SLC35B1: variants seen among roughly 807,000 people sequenced by gnomAD.
SLC35B1 encodes solute carrier family 35 member B1.
A neutral mutation model predicts 36.6 loss-of-function variants in SLC35B1; 27 were observed. That is an observed-to-expected ratio of 0.74 (90% confidence interval 0.54 to 1.02). SLC35B1 has a LOEUF of 1.02. Ranked by LOEUF, SLC35B1 falls within the 50% of genes least tolerant of loss-of-function variation. The pLI is 0.00. For missense variants in SLC35B1, 321 were observed against 383.2 expected, an observed-to-expected ratio of 0.84 and a Z score of 1.35; for synonymous variants, 162 against 152.5, an observed-to-expected ratio of 1.06 and a Z score of -0.46.
In SLC35B1 at chr17:49,707,929, G is replaced by A. The variant is rs765750109; in HGVS notation, c.-96C>T. The A allele has an allele frequency of 2.4e-5, 38 of 1,564,922 alleles. No individual in the cohort carries two copies. The highest frequency in any genetic ancestry group is 1.6e-4 in the East Asian group (7 of 42,598). The stretch of plus-strand genomic sequence containing the variant: ...AGCTCCAGCCGGACATCGCCGACCG[G>A]CGGCAGGGGCCTCATAGGAGCTGCA... On this transcript the variant is annotated 5_prime_UTR_variant, in exon 1 of 9. Coordinates refer to ENST00000240333, the MANE Select transcript of SLC35B1 (RefSeq NM_005827.4).
rs183248059 is a variant in SLC35B1, at chr17:49,701,179, C to T, written c.*279G>A. 164 of 370,216 alleles carry T rather than the reference C, an allele frequency of 4.4e-4. No homozygotes were observed. The highest frequency in any genetic ancestry group is 2.8e-3 in the African/African-American group (136 of 48,996). The allele number at this position is 370,216 out of a possible 1,614,324, so 22.9% of individuals were successfully genotyped here. ...CCCACTCAACCATGCTAACCACACC[C>T]GTGAGAGGAGCAGCCTGGGTAATGA... is the stretch of plus-strand genomic sequence containing the variant. On this transcript the variant is annotated 3_prime_UTR_variant, in exon 9 of 9. Transcript: ENST00000240333.
intron 8 of SLC35B1, chr17:49,701,968 C>T (rs897851803): frequency 8.4e-6 from 3 of 355,514 alleles, no homozygotes; most frequent in African/African-American, 6.5e-5. Flanking sequence ...TGGTACATGC[C>T]TATAATCGCA....
In SLC35B1 at chr17:49,701,997, G is replaced by A. The variant is rs567498894; in HGVS notation, c.917-487C>T. The A allele has an allele frequency of 1.1e-3, 338 of 305,058 alleles. 5 individuals are homozygous for A. The highest frequency in any genetic ancestry group is 2.0e-3 in the Non-Finnish European group (304 of 149,524). The allele number at this position is 305,058 out of a possible 1,614,324, so 18.9% of individuals were successfully genotyped here. On this transcript the variant is annotated intron_variant, in intron 8 of 8. Coordinates refer to ENST00000240333, the MANE Select transcript of SLC35B1 (RefSeq NM_005827.4). ...AATCGCAACTACTCGGGAGGCTGTG[G>A]TGGGTGGATCACTTGAGTCCAGGAG...
rs749864581 is a variant in SLC35B1, at chr17:49,707,760, T to G, written c.74A>C (p.Tyr25Ser). The change falls in exon 1 of 9, where the codon TAT (tyrosine) becomes TCT (serine). Residue 25 changes from tyrosine (Y) to serine (S), a missense_variant. Coordinates refer to ENST00000240333, the MANE Select transcript of SLC35B1 (RefSeq NM_005827.4). ...PLCFLGVFVC[Y>S]FYYGILQEKI... is the part of the protein sequence containing the mutation. ...TTCCTGCAGGATCCCATAGTAAAAATAGCAGACAAAGACACCCAGGAAGCA... is the reference window on the plus strand; with the variant it reads ...TTCCTGCAGGATCCCATAGTAAAAAGAGCAGACAAAGACACCCAGGAAGCA... The G allele has an allele frequency of 1.2e-6, 2 of 1,611,832 alleles. No homozygotes were observed. Among genetic ancestry groups the G allele is most frequent in the Admixed American group, 3.3e-5 (2 of 60,002 alleles).
rs545741629 is a variant in SLC35B1 at position 49,707,874 on chromosome 17, G to A, written c.-41C>T. On this transcript the variant is annotated 5_prime_UTR_variant, in exon 1 of 9. Coordinates refer to ENST00000240333, the MANE Select transcript of SLC35B1 (RefSeq NM_005827.4). ...GCCGACTGGAGACCCGCTCACAACC[G>A]GCACCGGCAGCAGCGGCGGCGGAGG... The A allele has an allele frequency of 1.3e-5, 21 of 1,608,134 alleles. No homozygotes were observed. The highest frequency in any genetic ancestry group is 1.4e-5 in the Non-Finnish European group (16 of 1,178,072).
chr17:49,702,754 A>G, intron 8 of SLC35B1, 104 bp downstream of exon 8: 1 of 1,315,568 alleles, frequency 7.6e-7, no homozygotes, highest in Non-Finnish European at 1.0e-6. Context: ...CTCAAAAAAA[A>G]GAGAAAAGTT....
rs1349620534 is a variant in SLC35B1, at chr17:49,706,976, A to G, written c.197T>C (p.Phe66Ser). The G allele has an allele frequency of 6.2e-7, 1 of 1,613,608 alleles. No homozygotes were observed. The highest frequency in any genetic ancestry group is 1.7e-5 in the Admixed American group (1 of 60,012). The change falls in exon 2 of 9, where the codon TTT (phenylalanine) becomes TCT (serine). Residue 66 changes from phenylalanine (F) to serine (S), a missense_variant. Transcript: ENST00000240333. ...ATCTGGGTACTCACAGATCTTGGCA[A>G]ACACAGCATTGATCACACATTGAAT... ...VFIQCVINAV[F>S]AKILIQFFDT...
chr17:49,705,634 G>A, intron 4 of SLC35B1: 1 of 605,774 alleles, frequency 1.7e-6, no homozygotes. Flanking sequence ...AGAAATGGCT[G>A]ACCAAGTGAA....
chr17:49,701,305 C>T lies in SLC35B1; in HGVS notation c.*153G>A. 1.6e-6 allele frequency: 1 copy of T among 632,382 alleles called. No individual in the cohort carries two copies. The allele number at this position is 632,382 out of a possible 1,614,324, so 39.2% of individuals were successfully genotyped here. A position where few individuals can be genotyped will look rare whatever the true frequency, so the allele number is the denominator to read the frequency against. On this transcript the variant is annotated 3_prime_UTR_variant, in exon 9 of 9. Coordinates refer to ENST00000240333, the MANE Select transcript of SLC35B1 (RefSeq NM_005827.4). ...ACTCTGTCTTGTTAAAATCCAAGTG[C>T]ATTTTTTAGAATATGTGATTTTGCT... is the stretch of plus-strand genomic sequence containing the variant.
rs910129883 is a variant in SLC35B1, at chr17:49,704,173, C to T, written c.582G>A (p.Arg194=). Residue 194 remains arginine, a synonymous_variant, in exon 6 of 9, where the codon CGG becomes CGA. Coordinates refer to ENST00000240333, the MANE Select transcript of SLC35B1 (RefSeq NM_005827.4). ...GLTGVSQDHM[R]AHYQTGSNHM... is the part of the protein sequence containing the mutation. ...GGTTGGAGCCTGTTTGGTAATGAGC[C>T]CGCATGTGGTCCTGGGAAACACCAG... 3.1e-6 allele frequency: 5 copies of T among 1,613,986 alleles called. No homozygotes were observed. The highest frequency in any genetic ancestry group is 4.2e-6 in the Non-Finnish European group (5 of 1,180,038).
Position 49,707,714 on chromosome 17 carries a change from C to G in SLC35B1, c.104+16G>C, listed in dbSNP as rs1455722608. 1 of 1,609,354 alleles carries G rather than the reference C, an allele frequency of 6.2e-7. No homozygotes were observed. Among genetic ancestry groups the G allele is most frequent in the Non-Finnish European group, 8.5e-7 (1 of 1,178,536 alleles). ...GGCTGGGGAGAGACTGTCGGCCCGCCCCCGGGGTCGCTCACATCTTTTCCT... is the reference window on the plus strand; with the variant it reads ...GGCTGGGGAGAGACTGTCGGCCCGCGCCCGGGGTCGCTCACATCTTTTCCT... On this transcript the variant is annotated intron_variant, in intron 1 of 8. Transcript: ENST00000240333.
At chr17:49,706,376 G>GAAAAA (rs376610823) in intron 2 of SLC35B1, 42 bp from the exon 3 acceptor site, 65 of 521,128 alleles carry the variant, frequency 1.2e-4, no homozygotes, top group South Asian at 7.1e-4. Context: ...GAAAAGAAAA[G>GAAAAA]AAAAAAAAAA....
intron 4 of SLC35B1, chr17:49,705,548 A>G (rs573345716): frequency 4.0e-4 from 233 of 585,394 alleles, no homozygotes; most frequent in Non-Finnish European, 6.2e-4. Flanking sequence ...GGAGAAGGAA[A>G]AGAAGTTGAG....
In SLC35B1 at chr17:49,703,013, T is replaced by C; in HGVS notation, c.763-2A>G. On this transcript the variant is annotated splice_acceptor_variant, in intron 7 of 8. Coordinates refer to ENST00000240333, the MANE Select transcript of SLC35B1 (RefSeq NM_005827.4). LOFTEE classifies it high-confidence loss of function. ...CACAACCGTCATAAAGATGAAGCTC[T>C]AGAGAAAGATAAAGGTGAGGTCCGG... 1 of 1,613,916 alleles carries C rather than the reference T, an allele frequency of 6.2e-7. No homozygotes were observed. Among genetic ancestry groups the C allele is most frequent in the Non-Finnish European group, 8.5e-7 (1 of 1,179,886 alleles).
chr17:49,703,738 G>A (rs2073381035), intron 6 of SLC35B1: 1 of 322,280 alleles, frequency 3.1e-6, no homozygotes, highest in Non-Finnish European at 6.0e-6. Flanking sequence ...TGATTTCAAA[G>A]CAAATCATTC....
intron 6 of SLC35B1, 151 bp from the exon 7 acceptor site, chr17:49,703,445 G>C: frequency 1.6e-6 from 1 of 618,978 alleles, no homozygotes; most frequent in South Asian, 1.7e-5. Flanking sequence ...TATGGTGTGG[G>C]TTTGCATCGT....
At position 49,706,228 on chromosome 17, in the gene SLC35B1, T is replaced by A; in HGVS notation, c.315A>T (p.Leu105=). Residue 105 remains leucine, a synonymous_variant, in exon 3 of 9, where the codon CTA becomes CTT. Coordinates refer to ENST00000240333, the MANE Select transcript of SLC35B1 (RefSeq NM_005827.4). The stretch of plus-strand genomic sequence containing the variant: ...CCTGAGTTGGGTAGTTGACAAACTG[T>A]AGTGCTGAATTGCTGGAGACCATGG... ...LGAMVSSNSA[L]QFVNYPTQVL... 6.2e-7 allele frequency: 1 copy of A among 1,604,064 alleles called. No homozygotes were observed. Among genetic ancestry groups the A allele is most frequent in the Non-Finnish European group, 8.5e-7 (1 of 1,177,496 alleles).
rs113179851 is a variant in SLC35B1 at position 49,707,696 on chromosome 17, G to A, written c.104+34C>T. The A allele has an allele frequency of 9.4e-6, 15 of 1,601,120 alleles. No homozygotes were observed. The African/African-American group carries it at 1.2e-4, about 13-fold the overall frequency. On this transcript the variant is annotated intron_variant, in intron 1 of 8. Transcript: ENST00000240333. ...CCCGGGATCCCTGTCACAGGCTGGG[G>A]AGAGACTGTCGGCCCGCCCCCGGGG...
chr17:49,701,194 C>T lies in SLC35B1; in HGVS notation c.*264G>A. On this transcript the variant is annotated 3_prime_UTR_variant, in exon 9 of 9. Transcript: ENST00000240333. ...TAACCACACCCGTGAGAGGAGCAGC[C>T]TGGGTAATGAACATCCAGCTCTGCC... is the stretch of plus-strand genomic sequence containing the variant. The T allele has an allele frequency of 2.5e-6, 1 of 402,850 alleles. No homozygotes were observed. Among genetic ancestry groups the T allele is most frequent in the Middle Eastern group, 7.2e-4 (1 of 1,382 alleles). The allele number at this position is 402,850 out of a possible 1,614,324, so 25.0% of individuals were successfully genotyped here.
Sources: allele counts gnomAD v4.1 joint callset, GRCh38; gene constraint gnomAD v4.1.1; transcripts MANE v1.5; gene names NCBI Gene and HGNC (gene_info 2026-07-23, HGNC 2026-07-21).